The following PPCDC variants were observed in gnomAD, a reference collection of about 807,000 sequenced individuals.
PPCDC encodes the protein phosphopantothenoylcysteine decarboxylase.
A neutral mutation model predicts 20.7 loss-of-function variants in PPCDC; 20 were observed. The observed-to-expected ratio is 0.97, with a 90% CI of 0.68 to 1.41. The LOEUF is 1.41. Among genes scored for constraint, PPCDC ranks in the 40% most tolerant of loss-of-function variants. The probability of loss-of-function intolerance (pLI) is 0.00; values close to 1 mark genes in which losing one functional copy is unlikely to be tolerated. For missense variants in PPCDC, 246 were observed against 263.8 expected (o/e 0.93, Z 0.47); for synonymous variants, 88 against 100.3 (o/e 0.88, Z 0.73).
At chr15:75,044,258 G>C in intron 3 of PPCDC, 128 bp from the exon 4 acceptor site, 1 of 1,341,178 alleles carries the variant, frequency 7.5e-7, no homozygotes, top group Admixed American at 1.9e-5. Context: ...AGCTGCAGGA[G>C]GGAACGGAGG....
In PPCDC at chr15:75,028,334, T is replaced by C; in HGVS notation, c.16T>C (p.Ser6Pro). The C allele has an allele frequency of 1.2e-6, 2 of 1,614,170 alleles. No homozygotes were observed. Among genetic ancestry groups the C allele is most frequent in the African/African-American group, 1.3e-5 (1 of 75,032 alleles). Reference sequence around the variant, plus strand: ...CAGACCCCACATGGAACCAAAGGCCTCCTGTCCAGCTGCTGCACCCTTGAT... The same window carrying C: ...CAGACCCCACATGGAACCAAAGGCCCCCTGTCCAGCTGCTGCACCCTTGAT... MEPKA[S>P]CPAAAPLMER... is the part of the protein sequence containing the mutation. Residue 6 changes from serine (S) to proline (P), a missense_variant, in exon 2 of 6, where the codon TCC becomes CCC. Ser to Pro is a moderately conservative substitution (Grantham distance 74). This residue lies in a region of PPCDC where 225 missense variants were observed against 222.6 expected (regional missense o/e 1.01). Transcript: ENST00000342932.
At chr15:75,045,660 G>A (rs867619023) in intron 4 of PPCDC, among the ~76,000 whole-genome samples, 27 of 152,254 alleles carry the variant, frequency 1.8e-4, no homozygotes, top group Middle Eastern at 3.4e-3. Flanking sequence ...TTGAATAAGA[G>A]CACAGGGTGA....
At chr15:75,032,734 C>CCCG (rs1555413326) in intron 2 of PPCDC, among the ~76,000 whole-genome samples, 2 of 110,670 alleles carry the variant, frequency 1.8e-5, no homozygotes, top group African/African-American at 7.7e-5. Flanking sequence ...ACCCCCCCCC[C>CCCG]CAAGGCCAAA....
chr15:75,033,146 A>G (rs2066043765), intron 2 of PPCDC, among the ~76,000 whole-genome samples: 2 of 152,186 alleles, frequency 1.3e-5, no homozygotes, highest in African/African-American at 4.8e-5. Context: ...GAAAAATAGT[A>G]TTTTATGACT....
chr15:75,042,016 A>G (rs1327083429), intron 2 of PPCDC, among the ~76,000 whole-genome samples: 1 of 152,248 alleles, frequency 6.6e-6, no homozygotes. Context: ...AGCAGCGCCT[A>G]GCCTTCAGCT....
chr15:75,040,360 G>T (rs2066137940), intron 2 of PPCDC, among the ~76,000 whole-genome samples: 1 of 152,226 alleles, frequency 6.6e-6, no homozygotes, highest in African/African-American at 2.4e-5. Flanking sequence ...TTACAGGCGT[G>T]AGCCACTGAG....
At chr15:75,036,892 A>G (rs957113514) in intron 2 of PPCDC, among the ~76,000 whole-genome samples, 10 of 152,146 alleles carry the variant, frequency 6.6e-5, no homozygotes, top group African/African-American at 2.4e-4. Flanking sequence ...GCTCATCCCA[A>G]ACTTCTGAGC....
intron 1 of PPCDC, 23 bp from the exon 2 acceptor site, chr15:75,028,224 G>C: frequency 6.7e-7 from 1 of 1,491,020 alleles, no homozygotes; most frequent in East Asian, 2.3e-5. Flanking sequence ...GAATGAAGGG[G>C]GTGGCCCTTG....
intron 5 of PPCDC, 72 bp from the exon 6 acceptor site, chr15:75,049,078 A>T (rs907942774): frequency 2.9e-6 from 4 of 1,395,682 alleles, no homozygotes; most frequent in African/African-American, 2.8e-5. Context: ...GAGCACTTGG[A>T]GCAATGGGCA....
intron 4 of PPCDC, chr15:75,044,926 T>C (rs2066211079): frequency 5.2e-6 from 1 of 193,806 alleles, no homozygotes; most frequent in South Asian, 7.4e-5. Context: ...GGCAATGTAA[T>C]TGGGGGTTCA....
intron 1 of PPCDC, among the ~76,000 whole-genome samples, chr15:75,026,031 T>G (rs1409423606): frequency 2.0e-5 from 3 of 152,222 alleles, no homozygotes; most frequent in Admixed American, 6.5e-5. Flanking sequence ...CGGACTATAG[T>G]GCCTGCTGTG....
At chr15:75,034,153 C>T (rs894680523) in intron 2 of PPCDC, among the ~76,000 whole-genome samples, 18 of 152,254 alleles carry the variant, frequency 1.2e-4, no homozygotes, top group African/African-American at 3.4e-4. Context: ...AAGAGGGTCT[C>T]GCCCACGGCC....
chr15:75,049,285 C>T lies in PPCDC; in HGVS notation c.*50C>T, dbSNP rs1424439977. 1.3e-6 allele frequency: 2 copies of T among 1,554,510 alleles called. No individual in the cohort carries two copies. The highest frequency in any genetic ancestry group is 2.2e-5 in the South Asian group (2 of 89,384). Reference sequence around the variant, plus strand: ...CCTCTGTACTCAGAATGGGTTCAGGCCAAGTCGGTGAAGATGGATGTTGGC... The same window carrying T: ...CCTCTGTACTCAGAATGGGTTCAGGTCAAGTCGGTGAAGATGGATGTTGGC... On this transcript the variant is annotated 3_prime_UTR_variant, in exon 6 of 6. Coordinates refer to ENST00000342932, the MANE Select transcript of PPCDC (RefSeq NM_021823.5).
Position 75,049,256 on chromosome 15 carries a change from T to C in PPCDC, c.*21T>C. 1 of 1,607,544 alleles carries C rather than the reference T, an allele frequency of 6.2e-7. No homozygotes were observed. On this transcript the variant is annotated 3_prime_UTR_variant, in exon 6 of 6. Transcript: ENST00000342932. The stretch of plus-strand genomic sequence containing the variant: ...GTTGACCTGGGATTTCTGTCATGGG[T>C]GTCCCTCTGTACTCAGAATGGGTTC...
At chr15:75,027,714 G>A (rs897739770) in intron 1 of PPCDC, among the ~76,000 whole-genome samples, 12 of 152,236 alleles carry the variant, frequency 7.9e-5, no homozygotes, top group African/African-American at 2.6e-4. Flanking sequence ...TGCCAGCACC[G>A]TCTTTCTAAA....
intron 4 of PPCDC, among the ~76,000 whole-genome samples, chr15:75,046,873 A>G (rs1181207015): frequency 6.6e-6 from 1 of 152,228 alleles, no homozygotes; most frequent in Non-Finnish European, 1.5e-5. Flanking sequence ...TTTGTGCTAA[A>G]CAGGCAGTCG....
chr15:75,044,248 A>G (rs2066195058), intron 3 of PPCDC, 138 bp from the exon 4 acceptor site: 11 of 1,244,644 alleles, frequency 8.8e-6, no homozygotes, highest in Non-Finnish European at 1.2e-5. Flanking sequence ...TCGCCAGCTT[A>G]GCTGCAGGAG....
intron 2 of PPCDC, among the ~76,000 whole-genome samples, chr15:75,042,481 C>T (rs1361236324): frequency 6.6e-6 from 1 of 151,916 alleles, no homozygotes; most frequent in Admixed American, 6.6e-5. Flanking sequence ...TGAAAAACCT[C>T]GTCTCTACTA....
chr15:75,035,942 G>A (rs900283873), intron 2 of PPCDC, among the ~76,000 whole-genome samples: 13 of 140,484 alleles, frequency 9.3e-5, no homozygotes, highest in African/African-American at 3.2e-4. Context: ...ACTCCAGCCT[G>A]CACAGAGCAA....
Sources: gnomAD v4.1 joint callset for allele counts (sites outside exome capture counted in the v4.1 genomes callset) on GRCh38, gnomAD v4.1.1 for gene constraint, gnomAD v4.1.1 regional missense constraint, MANE v1.5 for transcripts, NCBI Gene and HGNC (gene_info 2026-07-23, HGNC 2026-07-21) for gene names.